The following STX1B variants were observed in gnomAD, a reference collection of about 807,000 sequenced individuals.
The protein encoded by STX1B is syntaxin 1B, also known as syntaxin-1B.
In STX1B, 7 loss-of-function variants were observed where a neutral mutation model predicts 39.4. The ratio of observed to expected loss-of-function variants is 0.18; its 90% confidence interval spans 0.10 to 0.33. STX1B has a LOEUF of 0.33. Ranked by LOEUF, STX1B falls within the 10% of genes least tolerant of loss-of-function variation. STX1B has a pLI of 1.00. For synonymous variants in STX1B, 136 were observed against 144.1 expected, an observed-to-expected ratio of 0.94 and a Z score of 0.40; for missense variants, 198 against 383.2, an observed-to-expected ratio of 0.52 and a Z score of 4.04.
chr16:31,005,193 C>T (rs1032139461), intron 1 of STX1B, among the ~76,000 whole-genome samples: 1 of 152,188 alleles, frequency 6.6e-6, no homozygotes, highest in Non-Finnish European at 1.5e-5. Flanking sequence ...GAAGGGCCCT[C>T]CGTGCTCTGA....
At chr16:30,995,060 C>A (rs573010538) in intron 7 of STX1B, among the ~76,000 whole-genome samples, 1 of 151,940 alleles carries the variant, frequency 6.6e-6, no homozygotes, top group Non-Finnish European at 1.5e-5. Flanking sequence ...CACAGGCACA[C>A]GCCACCATGC....
chr16:31,005,887 A>T (rs898481544), intron 1 of STX1B, among the ~76,000 whole-genome samples: 2 of 152,058 alleles, frequency 1.3e-5, no homozygotes, highest in Admixed American at 1.3e-4. Flanking sequence ...TGACCTCCTC[A>T]GGGGCCCCCT....
intron 7 of STX1B, chr16:30,996,443 A>G (rs139254459): frequency 6.2e-6 from 3 of 484,990 alleles, no homozygotes; most frequent in Non-Finnish European, 1.1e-5. Context: ...GTGAGTATTA[A>G]ATGAGTTGGT....
chr16:30,995,925 C>T (rs1454021425), intron 7 of STX1B, among the ~76,000 whole-genome samples: 1 of 151,962 alleles, frequency 6.6e-6, no homozygotes, highest in African/African-American at 2.4e-5. Context: ...GTCTGTAATC[C>T]CAGCACTTTG....
chr16:31,002,471 C>T (rs926290380), intron 1 of STX1B, among the ~76,000 whole-genome samples: 9 of 152,150 alleles, frequency 5.9e-5, no homozygotes, highest in African/African-American at 1.9e-4. Context: ...CTGATGCTGG[C>T]GTTCACCCGC....
chr16:31,000,931 T>G lies in STX1B; in HGVS notation c.277A>C (p.Lys93Gln). 6.2e-7 allele frequency: 1 copy of G among 1,614,182 alleles called. No homozygotes were observed. Residue 93 changes from lysine to glutamine, a missense_variant, in exon 4 of 10, where the codon AAA becomes CAA. Coordinates refer to ENST00000215095, the MANE Select transcript of STX1B (RefSeq NM_052874.5). ...GTTGAGGGATTGTACTCCTCACCTT[T>G]CAATTTGGACCGAACCTTGTTGGCC... ...KTANKVRSKL[K>Q]AIEQSIEQEE...
In STX1B at chr16:30,992,703, C is replaced by A; in HGVS notation, c.*118G>T. 1 of 218,696 alleles carries A rather than the reference C, an allele frequency of 4.6e-6. No individual in the cohort carries two copies. The allele number at this position is 218,696 out of a possible 1,614,324, so 13.5% of individuals were successfully genotyped here. ...ACCAGGGTCTGCCGTGGGGGTGGGG[C>A]TGCCTGGGTCTGTTTTGGGAGTGAG... On this transcript the variant is annotated 3_prime_UTR_variant, in exon 10 of 10. Transcript: ENST00000215095.
At position 30,990,277 on chromosome 16, in the gene STX1B, T is replaced by G. The variant is rs1458751756; in HGVS notation, c.*2544A>C. On this transcript the variant is annotated 3_prime_UTR_variant, in exon 10 of 10. Transcript: ENST00000215095. ...CTGGGGGCTGGGGCCTGCTCTGATG[T>G]CTCCCAAGCAGCCCGAGATGGGAGC... 2 of 152,116 alleles carry G rather than the reference T, an allele frequency of 1.3e-5. No individual in the cohort carries two copies. The highest frequency in any genetic ancestry group is 3.9e-4 in the East Asian group (2 of 5,172). The allele number at this position is 152,116 out of a possible 1,614,324, so 9.4% of individuals were successfully genotyped here.
At chr16:30,994,369 A>C (rs2056580416) in intron 7 of STX1B, among the ~76,000 whole-genome samples, 1 of 145,710 alleles carries the variant, frequency 6.9e-6, no homozygotes, top group Non-Finnish European at 1.5e-5. Flanking sequence ...GGATCACTTG[A>C]GCCCAGGAAT....
chr16:30,992,071 A>C lies in STX1B; in HGVS notation c.*750T>G, dbSNP rs1309605190. The C allele has an allele frequency of 6.8e-6, 1 of 147,618 alleles. No individual in the cohort carries two copies. The highest frequency in any genetic ancestry group is 1.5e-5 in the Non-Finnish European group (1 of 66,798). 9.1% of individuals were successfully genotyped at this position (147,618 alleles called of 1,614,324 possible). The stretch of plus-strand genomic sequence containing the variant: ...GGGCTCTATCTGAGAAGACCTATCA[A>C]TACTTCAGGCACATCCTGGACACAC... On this transcript the variant is annotated 3_prime_UTR_variant, in exon 10 of 10. Coordinates refer to ENST00000215095, the MANE Select transcript of STX1B (RefSeq NM_052874.5).
At chr16:31,002,701 C>A (rs1254661686) in intron 1 of STX1B, among the ~76,000 whole-genome samples, 1 of 152,142 alleles carries the variant, frequency 6.6e-6, no homozygotes. Context: ...GGTCTGACAG[C>A]AAAATCTGAG....
intron 1 of STX1B, among the ~76,000 whole-genome samples, chr16:31,005,570 A>AGCG (rs1653287940): frequency 6.6e-6 from 1 of 151,062 alleles, no homozygotes; most frequent in Non-Finnish European, 1.5e-5. Context: ...GGCCTCCCAA[A>AGCG]GCGCTGGGAT....
rs1688513003 is a variant in STX1B, at chr16:31,001,697, C to G, written c.31-94G>C. The G allele has an allele frequency of 1.0e-6, 1 of 956,724 alleles. No individual in the cohort carries two copies. The highest frequency in any genetic ancestry group is 1.5e-5 in the South Asian group (1 of 65,668). 59.3% of individuals were successfully genotyped at this position (956,724 alleles called of 1,614,324 possible). On this transcript the variant is annotated intron_variant, in intron 1 of 9. Coordinates refer to ENST00000215095, the MANE Select transcript of STX1B (RefSeq NM_052874.5). The surrounding 1 kb of genome is among the most constrained non-coding windows in gnomAD (Gnocchi z 5.5). ...TCCCACCCTCTCCCTGCTATGCACA[C>G]ACAGGTGCTCCCAGCTCTAGGCTCA...
chr16:30,992,644 G>A lies in STX1B; in HGVS notation c.*177C>T, dbSNP rs1355266947. On this transcript the variant is annotated 3_prime_UTR_variant, in exon 10 of 10. Coordinates refer to ENST00000215095, the MANE Select transcript of STX1B (RefSeq NM_052874.5). ...TGCTGCGATCTACGTGCGGGGACGG[G>A]GGGGGGGTCCATGGCCCGGTGAGGT... 6.1e-6 allele frequency: 3 copies of A among 495,430 alleles called. No individual in the cohort carries two copies. Among genetic ancestry groups the A allele is most frequent in the East Asian group, 6.3e-5 (2 of 31,876 alleles). The allele number at this position is 495,430 out of a possible 1,614,324, so 30.7% of individuals were successfully genotyped here. A position where few individuals can be genotyped will look rare whatever the true frequency, so the allele number is the denominator to read the frequency against.
chr16:31,001,481 T>C lies in STX1B; in HGVS notation c.105+48A>G. The C allele has an allele frequency of 8.0e-7, 1 of 1,245,332 alleles. No individual in the cohort carries two copies. Among genetic ancestry groups the C allele is most frequent in the African/African-American group, 2.3e-5 (1 of 44,002 alleles). The allele number at this position is 1,245,332 out of a possible 1,614,324, so 77.1% of individuals were successfully genotyped here. On this transcript the variant is annotated intron_variant, in intron 2 of 9. Transcript: ENST00000215095. This position sits in a 1 kb window ranked among gnomAD's most constrained non-coding sequence, Gnocchi z 5.5. ...GGGCGGTGGGACTAGGGGCTGGGGC[T>C]GGGTGCTGGGGCTGGGGCTGGGGCT...
At chr16:31,004,591 C>T (rs931615580) in intron 1 of STX1B, among the ~76,000 whole-genome samples, 15 of 151,870 alleles carry the variant, frequency 9.9e-5, no homozygotes, top group African/African-American at 2.9e-4. Flanking sequence ...GGAGGATCCC[C>T]GGAGCTCAGG....
At position 30,992,055 on chromosome 16, in the gene STX1B, C is replaced by T. The variant is rs2056562249; in HGVS notation, c.*766G>A. 6.6e-6 allele frequency: 1 copy of T among 150,708 alleles called. No individual in the cohort carries two copies. 9.3% of individuals were successfully genotyped at this position (150,708 alleles called of 1,614,324 possible). On this transcript the variant is annotated 3_prime_UTR_variant, in exon 10 of 10. Coordinates refer to ENST00000215095, the MANE Select transcript of STX1B (RefSeq NM_052874.5). ...CAGTCCACAGTGTGGAGGGCTCTATCTGAGAAGACCTATCAATACTTCAGG... is the reference window on the plus strand; with the variant it reads ...CAGTCCACAGTGTGGAGGGCTCTATTTGAGAAGACCTATCAATACTTCAGG...
intron 1 of STX1B, among the ~76,000 whole-genome samples, chr16:31,007,889 T>C (rs946293173): frequency 6.6e-6 from 1 of 152,146 alleles, no homozygotes; most frequent in African/African-American, 2.4e-5. Flanking sequence ...TCCCAACTCA[T>C]ACGCGAAGAA....
chr16:30,994,892 C>CTTTTTTTTTTTTTTTTTTTTTTTTTTTT (rs10524041), intron 7 of STX1B, among the ~76,000 whole-genome samples: 29 of 99,822 alleles, frequency 2.9e-4, no homozygotes, highest in East Asian at 1.6e-3. Context: ...GTCTCCCCGT[C>CTTTTTTTTTTTTTTTTTTTTTTTTTTTT]TTTTTTTTTT....
Sources: gnomAD v4.1 joint callset for allele counts (sites outside exome capture counted in the v4.1 genomes callset) on GRCh38, gnomAD v4.1.1 for gene constraint, Gnocchi (gnomAD v3.1) non-coding constraint, MANE v1.5 for transcripts, NCBI Gene and HGNC (gene_info 2026-07-23, HGNC 2026-07-21) for gene names.